The following TAB1 variants were observed in gnomAD, a reference collection of about 807,000 sequenced individuals.
The protein encoded by TAB1 is TGF-beta-activated kinase 1 and MAP3K7-binding protein 1.
A neutral mutation model predicts 54.5 loss-of-function variants in TAB1; 30 were observed. That is an observed-to-expected ratio of 0.55 (90% CI 0.41 to 0.75). TAB1 has a LOEUF of 0.75. TAB1 is among the 30% of genes least tolerant of loss of function. TAB1 has a pLI of 0.00. For missense variants in TAB1, 609 were observed against 683.2 expected (o/e 0.89, Z 1.21); for synonymous variants, 289 against 286.9 (o/e 1.01, Z -0.07).
intron 1 of TAB1, among the ~76,000 whole-genome samples, chr22:39,405,119 C>G (rs928809661): frequency 2.0e-5 from 3 of 152,194 alleles, no homozygotes; most frequent in Non-Finnish European, 4.4e-5. Context: ...GTGGCCTGAG[C>G]TTGGAACCAT....
chr22:39,410,358 T>G (rs1336468055), intron 1 of TAB1, among the ~76,000 whole-genome samples: 1 of 152,216 alleles, frequency 6.6e-6, no homozygotes, highest in East Asian at 1.9e-4. Flanking sequence ...TCCACCTGCC[T>G]CAGCCTCCCC....
intron 1 of TAB1, among the ~76,000 whole-genome samples, chr22:39,408,918 G>A (rs1926492633): frequency 6.6e-6 from 1 of 152,220 alleles, no homozygotes; most frequent in Non-Finnish European, 1.5e-5. Context: ...GTCCTTGGAA[G>A]CCTGTGTCTG....
chr22:39,433,993 T>C (rs138710856), downstream of TAB1, among the ~76,000 whole-genome samples: 429 of 152,130 alleles, frequency 2.8e-3, 5 homozygotes, highest in African/African-American at 9.8e-3. Context: ...TCTCTCTTAT[T>C]CCACTAGGTC....
intron 1 of TAB1, among the ~76,000 whole-genome samples, chr22:39,409,986 A>C (rs995380788): frequency 6.6e-6 from 1 of 152,236 alleles, no homozygotes; most frequent in Admixed American, 6.5e-5. Context: ...GTAATCACAT[A>C]ATATCATATG....
chr22:39,414,276 A>G (rs1429664377), intron 1 of TAB1, among the ~76,000 whole-genome samples: 2 of 152,158 alleles, frequency 1.3e-5, no homozygotes, highest in Admixed American at 1.3e-4. Context: ...TGTGGAGGCA[A>G]AGAGCAGGGG....
chr22:39,405,517 C>T (rs1352779073), intron 1 of TAB1, among the ~76,000 whole-genome samples: 1 of 152,150 alleles, frequency 6.6e-6, no homozygotes, highest in Non-Finnish European at 1.5e-5. Flanking sequence ...CTCAGCTTCT[C>T]GCAGACTCTT....
In TAB1 at chr22:39,415,668, G is replaced by A. The variant is rs898758100; in HGVS notation, c.324+15G>A. 2 of 1,600,882 alleles carry A rather than the reference G, an allele frequency of 1.2e-6. No homozygotes were observed. The highest frequency in any genetic ancestry group is 2.7e-5 in the African/African-American group (2 of 74,878). ...TGCTGCTGCAGGTAATGGTGCCGGGGCCAACAGTGACCCAGCCACATCATG... is the reference window on the plus strand; with the variant it reads ...TGCTGCTGCAGGTAATGGTGCCGGGACCAACAGTGACCCAGCCACATCATG... On this transcript the variant is annotated intron_variant, in intron 3 of 10. Coordinates refer to ENST00000216160, the MANE Select transcript of TAB1 (RefSeq NM_006116.3). The surrounding 1 kb of genome is among the most constrained non-coding windows in gnomAD (Gnocchi z 4.9).
chr22:39,416,603 T>C, intron 3 of TAB1, 188 bp from the exon 4 acceptor site: 1 of 622,252 alleles, frequency 1.6e-6, no homozygotes, highest in East Asian at 2.7e-5. Flanking sequence ...TCAAAGACAT[T>C]GATCTGCAGG....
In TAB1 at chr22:39,424,885, C is replaced by T. The variant is rs189967815; in HGVS notation, c.922-1818C>T. ...GAGTTCAGGTTCTTGCCAGAAGTGA[C>T]GTTGCTGCTTAGTGTTGAAACTGAG... On this transcript the variant is annotated intron_variant, in intron 8 of 10. Coordinates refer to ENST00000216160, the MANE Select transcript of TAB1 (RefSeq NM_006116.3). Among the ~76,000 whole-genome samples the T allele has an allele frequency of 1.2e-4, 19 of 152,132 alleles. 1 individual carries two copies. The highest frequency in any genetic ancestry group is 1.1e-3 in the Admixed American group (17 of 15,264).
Position 39,430,369 on chromosome 22 carries a change from TAG to T in TAB1, c.*150_*151del. The T allele has an allele frequency of 6.8e-7, 1 of 1,480,324 alleles. No homozygotes were observed. Among genetic ancestry groups the T allele is most frequent in the Non-Finnish European group, 9.0e-7 (1 of 1,115,878 alleles). The allele number at this position is 1,480,324 out of a possible 1,614,324, so 91.7% of individuals were successfully genotyped here. ...CTCTGTCCCATGGCTCTCCGGGCAG[TAG>T]AGTGTGTGAGTGCAGACTGGACCTG... On this transcript the variant is annotated 3_prime_UTR_variant, in exon 11 of 11. Coordinates refer to ENST00000216160, the MANE Select transcript of TAB1 (RefSeq NM_006116.3).
In TAB1 at chr22:39,415,603, C is replaced by A; in HGVS notation, c.274C>A (p.Gln92Lys). 6.2e-7 allele frequency: 1 copy of A among 1,613,924 alleles called. No homozygotes were observed. Among genetic ancestry groups the A allele is most frequent in the Non-Finnish European group, 8.5e-7 (1 of 1,180,004 alleles). Residue 92 changes from glutamine (Q) to lysine (K), a missense_variant, in exon 3 of 11, where the codon CAG (glutamine) becomes AAG (lysine). Coordinates refer to ENST00000216160, the MANE Select transcript of TAB1 (RefSeq NM_006116.3). This position sits in a 1 kb window ranked among gnomAD's most constrained non-coding sequence, Gnocchi z 4.9. The part of the protein sequence containing the change: ...QRLSAELLLG[Q>K]LNAEHAEADV... ...GCTGTCCGCAGAGCTCCTGCTGGGC[C>A]AGCTGAATGCCGAGCACGCCGAGGC...
At chr22:39,413,422 T>G (rs1175232606) in intron 1 of TAB1, among the ~76,000 whole-genome samples, 1 of 147,220 alleles carries the variant, frequency 6.8e-6, no homozygotes, top group Non-Finnish European at 1.5e-5. Context: ...TCAATACAAT[T>G]TTTTTTTTTT....
chr22:39,419,687 C>G (rs1168214967), intron 7 of TAB1, 57 bp downstream of exon 7: 2 of 1,258,812 alleles, frequency 1.6e-6, no homozygotes, highest in Non-Finnish European at 2.3e-6. Context: ...CCTAGGGAGG[C>G]CAAGATGGGA....
chr22:39,411,869 C>G (rs180671734), intron 1 of TAB1, among the ~76,000 whole-genome samples: 1 of 152,056 alleles, frequency 6.6e-6, no homozygotes, highest in African/African-American at 2.4e-5. Flanking sequence ...TTACTACATC[C>G]GAACAATGGT....
intron 1 of TAB1, among the ~76,000 whole-genome samples, chr22:39,410,631 G>A (rs1415582134): frequency 6.6e-6 from 1 of 151,702 alleles, no homozygotes; most frequent in Non-Finnish European, 1.5e-5. Flanking sequence ...CTATTAGAAG[G>A]CGTTAGTAGC....
intron 10 of TAB1, 200 bp from the exon 11 acceptor site, chr22:39,429,815 C>T: frequency 2.0e-6 from 2 of 985,372 alleles, no homozygotes; most frequent in Non-Finnish European, 2.4e-6. Context: ...TTTAAGTAGC[C>T]ACATGCATCT....
chr22:39,407,484 G>A (rs2033995489), intron 1 of TAB1, among the ~76,000 whole-genome samples: 1 of 149,954 alleles, frequency 6.7e-6, no homozygotes, highest in Non-Finnish European at 1.5e-5. Context: ...ATTTGTTGTT[G>A]TTTTGTTTTT....
chr22:39,414,698 C>A, intron 1 of TAB1: 1 of 319,732 alleles, frequency 3.1e-6, no homozygotes, highest in Non-Finnish European at 5.9e-6. Context: ...TGCCAAGAGT[C>A]TGCGACATTT....
At chr22:39,403,217 A>AACAGAT (rs1926221249) in intron 1 of TAB1, among the ~76,000 whole-genome samples, 1 of 152,256 alleles carries the variant, frequency 6.6e-6, no homozygotes, top group South Asian at 2.1e-4. Context: ...GTGAGCACCG[A>AACAGAT]ACAGATACAG....
Sources: allele counts gnomAD v4.1 joint callset (sites outside exome capture counted in the v4.1 genomes callset), GRCh38; gene constraint gnomAD v4.1.1; non-coding constraint Gnocchi (gnomAD v3.1); transcripts MANE v1.5; gene names NCBI Gene and HGNC (gene_info 2026-07-23, HGNC 2026-07-21).